The following DTL variants were observed in gnomAD, a reference collection of about 807,000 sequenced individuals.
DTL encodes denticleless E3 ubiquitin protein ligase adapter.
DTL carries 46 observed loss-of-function variants against 87.0 expected under a neutral mutation model. The ratio of observed to expected loss-of-function variants is 0.53; its 90% CI spans 0.42 to 0.68. The LOEUF (loss-of-function observed/expected upper bound fraction) is 0.68. DTL is among the 30% of genes least tolerant of loss of function. The pLI, the probability that DTL is intolerant of heterozygous loss-of-function variation, is 0.00. For synonymous variants in DTL, 308 were observed against 311.2 expected, an observed-to-expected ratio of 0.99 and a Z score of 0.11; for missense variants, 737 against 869.4, an observed-to-expected ratio of 0.85 and a Z score of 1.91.
At chr1:212,095,049 G>A (rs181931756) in intron 13 of DTL, among the ~76,000 whole-genome samples, 303 of 152,248 alleles carry the variant, frequency 2.0e-3, no homozygotes, top group African/African-American at 6.6e-3. Flanking sequence ...GTGACAGGTT[G>A]ACTTCCTCTT....
chr1:212,058,488 T>G (rs78585866), intron 5 of DTL, among the ~76,000 whole-genome samples: 8,721 of 152,156 alleles, frequency 0.057, 279 homozygotes, highest in Non-Finnish European at 0.073. Flanking sequence ...ATTTTTACAA[T>G]TCTTGAAACA....
chr1:212,079,156 C>CT (rs921084614), intron 12 of DTL, among the ~76,000 whole-genome samples: 6 of 150,758 alleles, frequency 4.0e-5, no homozygotes, highest in Non-Finnish European at 5.9e-5. Context: ...CAGACCTTTT[C>CT]TTTTTTTTTA....
intron 1 of DTL, among the ~76,000 whole-genome samples, chr1:212,037,811 G>A (rs1667532477): frequency 6.6e-6 from 1 of 152,160 alleles, no homozygotes; most frequent in Non-Finnish European, 1.5e-5. Context: ...ATTGGAAGGA[G>A]CACCTCCTAC....
At chr1:212,060,440 A>C (rs574379497) in intron 5 of DTL, among the ~76,000 whole-genome samples, 7 of 152,274 alleles carry the variant, frequency 4.6e-5, no homozygotes, top group Non-Finnish European at 8.8e-5. Flanking sequence ...CACTATATTA[A>C]AGAAAATCAA....
chr1:212,092,233 A>T (rs1481342227), intron 13 of DTL, among the ~76,000 whole-genome samples: 1 of 152,148 alleles, frequency 6.6e-6, no homozygotes, highest in Non-Finnish European at 1.5e-5. Flanking sequence ...GAGCTACTTC[A>T]CTTAGAATAA....
chr1:212,084,241 C>T (rs1255830549), intron 13 of DTL, among the ~76,000 whole-genome samples: 10 of 147,476 alleles, frequency 6.8e-5, no homozygotes, highest in African/African-American at 1.5e-4. Context: ...TCACTCTTGT[C>T]GCTGAGCCTG....
At chr1:212,046,950 CTGT>C (rs1416516106) in intron 3 of DTL, among the ~76,000 whole-genome samples, 198 bp from the exon 4 acceptor site, 1 of 152,188 alleles carries the variant, frequency 6.6e-6, no homozygotes, top group Non-Finnish European at 1.5e-5. Flanking sequence ...TTGCCAGCAT[CTGT>C]TGTTTCTTGA....
At chr1:212,071,769 G>C (rs1004383743) in intron 10 of DTL, among the ~76,000 whole-genome samples, 2 of 152,146 alleles carry the variant, frequency 1.3e-5, no homozygotes, top group Non-Finnish European at 2.9e-5. Flanking sequence ...TGGAGAGAGA[G>C]GGTCTTATAA....
At chr1:212,045,022 A>G (rs1667767894) in intron 3 of DTL, among the ~76,000 whole-genome samples, 1 of 152,214 alleles carries the variant, frequency 6.6e-6, no homozygotes, top group South Asian at 2.1e-4. Flanking sequence ...TCACATGGCA[A>G]GAGAAGGGTG....
intron 10 of DTL, among the ~76,000 whole-genome samples, chr1:212,070,565 C>G (rs930609350): frequency 6.6e-6 from 1 of 151,596 alleles, no homozygotes; most frequent in Non-Finnish European, 1.5e-5. Flanking sequence ...GAGCCATGAT[C>G]TTGCCACTGC....
chr1:212,098,011 G>A (rs1655500959), intron 13 of DTL, among the ~76,000 whole-genome samples: 1 of 152,174 alleles, frequency 6.6e-6, no homozygotes, highest in African/African-American at 2.4e-5. Context: ...GAGCCACCCA[G>A]CAGAGCTACT....
chr1:212,093,129 A>G (rs775524501), intron 13 of DTL, among the ~76,000 whole-genome samples: 4 of 152,084 alleles, frequency 2.6e-5, no homozygotes, highest in Admixed American at 6.6e-5. Flanking sequence ...AAACTGGAAA[A>G]GTTCCCTTGT....
At chr1:212,047,727 G>T (rs1458790629) in intron 5 of DTL, among the ~76,000 whole-genome samples, 2 of 152,084 alleles carry the variant, frequency 1.3e-5, no homozygotes, top group African/African-American at 4.8e-5. Flanking sequence ...GTAGAGACGG[G>T]GTTTCACCAT....
At chr1:212,051,442 C>CTTTTTTTTTTTTGTTTTTTTTTTTT (rs1667972365) in intron 5 of DTL, 1 of 192,590 alleles carries the variant, frequency 5.2e-6, no homozygotes, top group Admixed American at 1.3e-4. Context: ...ATATGAAATT[C>CTTTTTTTTTTTTGTTTTTTTTTTTT]TTTTTTTTTT....
chr1:212,093,097 T>C (rs10863939), intron 13 of DTL, among the ~76,000 whole-genome samples: 59,939 of 151,858 alleles, frequency 0.39, 12,328 homozygotes, highest in East Asian at 0.59. Flanking sequence ...GATTATTTGG[T>C]TTTTTTTCCT....
At chr1:212,059,871 C>T (rs150471552) in intron 5 of DTL, among the ~76,000 whole-genome samples, 269 of 148,818 alleles carry the variant, frequency 1.8e-3, no homozygotes, top group African/African-American at 6.3e-3. Context: ...AATAGCATTT[C>T]TATACATCAA....
Position 212,084,330 on chromosome 1 carries a change from C to T in DTL, c.1261+3580C>T, listed in dbSNP as rs148831056. On this transcript the variant is annotated intron_variant, in intron 13 of 14. Coordinates refer to ENST00000366991, the MANE Select transcript of DTL (RefSeq NM_016448.4). ...CCTCCTGAGTAGCTGGAATTACAGG[C>T]GTGTGCCACCATGCCCAGCTAATTT... is the stretch of plus-strand genomic sequence containing the variant. 4.2e-3 allele frequency among the ~76,000 whole-genome samples: 644 copies of T among 151,816 alleles called. 5 individuals are homozygous for T. The highest frequency in any genetic ancestry group is 0.015 in the African/African-American group (602 of 41,390).
At chr1:212,056,118 G>T (rs1202809920) in intron 5 of DTL, among the ~76,000 whole-genome samples, 1 of 152,104 alleles carries the variant, frequency 6.6e-6, no homozygotes. Context: ...CTGCCCAGGG[G>T]CTCAAGAATT....
Position 212,100,470 on chromosome 1 carries a change from C to T in DTL, c.1480C>T (p.Pro494Ser). The T allele has an allele frequency of 6.2e-7, 1 of 1,614,016 alleles. No individual in the cohort carries two copies. Among genetic ancestry groups the T allele is most frequent in the Non-Finnish European group, 8.5e-7 (1 of 1,179,986 alleles). ...GSVSSVSPKPPSSFKMSIRNW... is the reference protein window; with the variant it reads ...GSVSSVSPKPSSSFKMSIRNW... The stretch of plus-strand genomic sequence containing the variant: ...TGTCTCCTCCGTCTCTCCCAAGCCA[C>T]CTTCATCTTTCAAGATGTCGATTAG... The change falls in exon 14 of 15, where the codon CCT (proline) becomes TCT (serine). Residue 494 changes from proline (P) to serine (S), a missense_variant. Pro to Ser is a moderately conservative substitution (Grantham distance 74). Transcript: ENST00000366991.
Sources: gnomAD v4.1 joint callset for allele counts (sites outside exome capture counted in the v4.1 genomes callset) on GRCh38, gnomAD v4.1.1 for gene constraint, MANE v1.5 for transcripts, NCBI Gene and HGNC (gene_info 2026-07-23, HGNC 2026-07-21) for gene names.